Variants in NCK1 observed in about 807,000 individuals in gnomAD.
NCK1 encodes NCK adaptor protein 1.
NCK1 carries 19 observed loss-of-function variants against 36.6 expected under a neutral mutation model. That is an observed-to-expected ratio of 0.52 (90% CI 0.36 to 0.76). The LOEUF is 0.76. NCK1 is among the 30% of genes least tolerant of loss of function. The probability of loss-of-function intolerance (pLI) is 0.00; values close to 1 mark genes in which losing one functional copy is unlikely to be tolerated. For synonymous variants in NCK1, 165 were observed against 156.0 expected, an observed-to-expected ratio of 1.06 and a Z score of -0.43; for missense variants, 358 against 445.6, an observed-to-expected ratio of 0.80 and a Z score of 1.77.
At chr3:136,926,848 T>C (rs1940253698) in intron 1 of NCK1, among the ~76,000 whole-genome samples, 1 of 152,220 alleles carries the variant, frequency 6.6e-6, no homozygotes, top group Non-Finnish European at 1.5e-5. Flanking sequence ...GGCCTGGCAT[T>C]TGATTGCTTT....
intron 1 of NCK1, among the ~76,000 whole-genome samples, chr3:136,891,818 C>T (rs1939253767): frequency 6.6e-6 from 1 of 152,146 alleles, no homozygotes; most frequent in South Asian, 2.1e-4. Flanking sequence ...TTTTCATGTG[C>T]TTATTCACTG....
At chr3:136,907,661 G>A (rs1379001094) in intron 1 of NCK1, among the ~76,000 whole-genome samples, 1 of 152,134 alleles carries the variant, frequency 6.6e-6, no homozygotes, top group Non-Finnish European at 1.5e-5. Context: ...TCTCTCTTAG[G>A]TGATCTATTT....
intron 1 of NCK1, among the ~76,000 whole-genome samples, chr3:136,883,463 T>TC (rs1374397492): frequency 6.6e-6 from 1 of 152,232 alleles, no homozygotes; most frequent in Non-Finnish European, 1.5e-5. Context: ...AATTTTTTTT[T>TC]CTCTAACTAA....
intron 1 of NCK1, among the ~76,000 whole-genome samples, chr3:136,920,694 C>T (rs1940088080): frequency 6.6e-6 from 1 of 152,056 alleles, no homozygotes; most frequent in Admixed American, 6.5e-5. Flanking sequence ...AGAAAGAAGC[C>T]ATTATGTGAC....
At chr3:136,934,006 C>T (rs1576986985) in intron 2 of NCK1, among the ~76,000 whole-genome samples, 1 of 152,166 alleles carries the variant, frequency 6.6e-6, no homozygotes, top group East Asian at 1.9e-4. Context: ...CCTTGCCCGG[C>T]CAAGTTTAAG....
chr3:136,942,863 A>G (rs1270812228), intron 2 of NCK1, among the ~76,000 whole-genome samples: 1 of 152,218 alleles, frequency 6.6e-6, no homozygotes, highest in Non-Finnish European at 1.5e-5. Context: ...AAGACTCCCT[A>G]TGCCTGGGAA....
At chr3:136,926,159 T>C (rs1337858426) in intron 1 of NCK1, among the ~76,000 whole-genome samples, 4 of 151,162 alleles carry the variant, frequency 2.6e-5, no homozygotes, top group East Asian at 1.9e-4. Flanking sequence ...GCTCATTTTC[T>C]AGTTGGATTT....
At chr3:136,927,391 G>C (rs1333434577) in intron 1 of NCK1, among the ~76,000 whole-genome samples, 1 of 152,192 alleles carries the variant, frequency 6.6e-6, no homozygotes, top group Non-Finnish European at 1.5e-5. Flanking sequence ...CTTGTTACTA[G>C]GTACATAGAA....
intron 2 of NCK1, among the ~76,000 whole-genome samples, chr3:136,933,122 A>C (rs1344790): frequency 0.67 from 101,981 of 152,038 alleles, 34,602 homozygotes; most frequent in East Asian, 0.87. Flanking sequence ...TGAGTAAAAA[A>C]CTTAGTAAGA....
At chr3:136,893,748 A>G (rs1269049765) in intron 1 of NCK1, among the ~76,000 whole-genome samples, 1 of 152,220 alleles carries the variant, frequency 6.6e-6, no homozygotes, top group Non-Finnish European at 1.5e-5. Flanking sequence ...TCCATCACCA[A>G]GTCTTGACAT....
At chr3:136,902,154 T>A (rs2108101297) in intron 1 of NCK1, among the ~76,000 whole-genome samples, 1 of 151,948 alleles carries the variant, frequency 6.6e-6, no homozygotes, top group African/African-American at 2.4e-5. Flanking sequence ...TGTGTATTTA[T>A]ATAGTTTCCA....
intron 1 of NCK1, among the ~76,000 whole-genome samples, chr3:136,874,797 C>A (rs988453113): frequency 4.9e-5 from 5 of 101,770 alleles, no homozygotes; most frequent in African/African-American, 1.7e-4. Flanking sequence ...TGAAATCTTG[C>A]ATTAATGAAA....
At chr3:136,947,262 T>C (rs890451758) in intron 3 of NCK1, among the ~76,000 whole-genome samples, 1 of 152,140 alleles carries the variant, frequency 6.6e-6, no homozygotes, top group Non-Finnish European at 1.5e-5. Flanking sequence ...CTGATCTGGC[T>C]CACTGTTTGA....
chr3:136,945,546 T>A, intron 2 of NCK1, 37 bp from the exon 3 acceptor site: 3 of 1,402,344 alleles, frequency 2.1e-6, no homozygotes, highest in Non-Finnish European at 1.9e-6. Flanking sequence ...ATCATTTTTT[T>A]ATATTCTCCT....
chr3:136,925,436 A>G (rs73231958), intron 1 of NCK1, among the ~76,000 whole-genome samples: 11,846 of 152,286 alleles, frequency 0.078, 481 homozygotes, highest in Non-Finnish European at 0.096. Context: ...GTGGCAATAC[A>G]TCTGGCAGAA....
chr3:136,932,184 A>G (rs966762243), intron 2 of NCK1, among the ~76,000 whole-genome samples: 2 of 152,030 alleles, frequency 1.3e-5, no homozygotes, highest in African/African-American at 4.8e-5. Context: ...TATCATCAAT[A>G]CAGTGGTAAA....
chr3:136,880,399 A>G (rs1938898105), intron 1 of NCK1, among the ~76,000 whole-genome samples: 1 of 152,160 alleles, frequency 6.6e-6, no homozygotes, highest in Non-Finnish European at 1.5e-5. Context: ...GGCCTTTTAA[A>G]AAAGGGAGAG....
At position 136,880,007 on chromosome 3, in the gene NCK1, G is replaced by A. The variant is rs558151884; in HGVS notation, c.-19+17654G>A. Among the ~76,000 whole-genome samples the A allele has an allele frequency of 2.2e-4, 7 of 31,612 alleles. No homozygotes were observed. The South Asian group carries it at 7.8e-3, about 35-fold the overall frequency. 20.7% of individuals were successfully genotyped at this position (31,612 alleles called of 152,430 possible). On this transcript the variant is annotated intron_variant, in intron 1 of 3. Coordinates refer to ENST00000481752, the MANE Select transcript of NCK1 (RefSeq NM_001291999.2). The stretch of plus-strand genomic sequence containing the variant: ...AGAATATTAAAAAAAAAAAAAGGCT[G>A]GGCACAGTGGCTCACGCCTGTAATC...
At chr3:136,935,698 T>G (rs1940511792) in intron 2 of NCK1, among the ~76,000 whole-genome samples, 1 of 152,220 alleles carries the variant, frequency 6.6e-6, no homozygotes, top group South Asian at 2.1e-4. Context: ...TGTAAGACTC[T>G]TAAAAATTTT....
Sources: allele counts gnomAD v4.1 joint callset (sites outside exome capture counted in the v4.1 genomes callset), GRCh38; gene constraint gnomAD v4.1.1; transcripts MANE v1.5; gene names NCBI Gene and HGNC (gene_info 2026-07-23, HGNC 2026-07-21).